The following FLRT3 variants were observed in gnomAD, a reference collection of about 807,000 sequenced individuals.
The protein encoded by FLRT3 is leucine-rich repeat transmembrane protein FLRT3.
In FLRT3, 17 loss-of-function variants were observed where a neutral mutation model predicts 42.6. That is an observed-to-expected ratio of 0.40 (90% CI 0.27 to 0.60). The LOEUF (loss-of-function observed/expected upper bound fraction) is 0.60, where lower values mean the gene tolerates loss of function less well. Among genes scored for constraint, FLRT3 ranks in the 20% least tolerant of loss-of-function variants. The pLI is 0.44. For missense variants in FLRT3, 635 were observed against 789.2 expected (o/e 0.80, Z 2.34); for synonymous variants, 279 against 286.4 (o/e 0.97, Z 0.26).
At chr20:14,332,700 C>T (rs1601494481) in intron 1 of FLRT3, among the ~76,000 whole-genome samples, 1 of 151,998 alleles carries the variant, frequency 6.6e-6, no homozygotes, top group Admixed American at 6.6e-5. Flanking sequence ...GCATGTAGAA[C>T]TTTTAATCCA....
Position 14,325,821 on chromosome 20 carries a change from G to GCA in FLRT3, c.1685_1686insTG (p.Cys563AlafsTer38). ...TTCTCCTCCCTTTGCTATATGCACA[G>GCA]TTCCTTGAGAAGAGCGATCCATTCC... On this transcript the variant is annotated frameshift_variant, in exon 3 of 3. Coordinates refer to ENST00000341420, the MANE Select transcript of FLRT3 (RefSeq NM_198391.3). LOFTEE classifies it high-confidence loss of function. 1 of 1,613,858 alleles carries GCA rather than the reference G, an allele frequency of 6.2e-7. No individual in the cohort carries two copies. Among genetic ancestry groups the GCA allele is most frequent in the Non-Finnish European group, 8.5e-7 (1 of 1,179,852 alleles).
At chr20:14,331,804 T>C (rs1038378159) in intron 1 of FLRT3, among the ~76,000 whole-genome samples, 2 of 152,090 alleles carry the variant, frequency 1.3e-5, no homozygotes, top group African/African-American at 4.8e-5. Context: ...CTGAGCTGGA[T>C]CTACATATTT....
In FLRT3 at chr20:14,325,816, G is replaced by A; in HGVS notation, c.1691C>T (p.Ala564Val). Residue 564 changes from alanine to valine, a missense_variant, in exon 3 of 3, where the codon GCA becomes GTA. Ala to Val is a moderately conservative substitution (Grantham distance 64, BLOSUM62 0). Coordinates refer to ENST00000341420, the MANE Select transcript of FLRT3 (RefSeq NM_198391.3). Reference sequence around the variant, plus strand: ...CTTTCTTCTCCTCCCTTTGCTATATGCACAGTTCCTTGAGAAGAGCGATCC... The same window carrying A: ...CTTTCTTCTCCTCCCTTTGCTATATACACAGTTCCTTGAGAAGAGCGATCC... ...RNGSLFSRNC[A>V]YSKGRRRKDD... 2 of 1,613,852 alleles carry A rather than the reference G, an allele frequency of 1.2e-6. No individual in the cohort carries two copies. Among genetic ancestry groups the A allele is most frequent in the African/African-American group, 1.3e-5 (1 of 74,998 alleles).
chr20:14,337,259 T>C, intron 1 of FLRT3, 145 bp downstream of exon 1: 1 of 231,278 alleles, frequency 4.3e-6, no homozygotes, highest in Non-Finnish European at 8.3e-6. Context: ...CATTGCTGGC[T>C]TGCACGCACA....
Position 14,326,041 on chromosome 20 carries a change from A to G in FLRT3, c.1466T>C (p.Leu489Pro). The G allele has an allele frequency of 6.2e-7, 1 of 1,613,942 alleles. No homozygotes were observed. The highest frequency in any genetic ancestry group is 8.5e-7 in the Non-Finnish European group (1 of 1,179,888). Residue 489 changes from leucine to proline, a missense_variant, in exon 3 of 3, where the codon CTA (leucine) becomes CCA (proline). By Grantham distance (98) the Leu-to-Pro change is moderately conservative. Coordinates refer to ENST00000341420, the MANE Select transcript of FLRT3 (RefSeq NM_198391.3). The surrounding 1 kb of genome is among the most constrained non-coding windows in gnomAD (Gnocchi z 5.5). ...AATACAAACAGGAGTTTCATCAAAT[A>G]GGTAGAGGTTGCTGGTTTCCATGGG... is the stretch of plus-strand genomic sequence containing the variant. Reference protein sequence around the residue: ...MVPMETSNLYLFDETPVCIET... With the variant: ...MVPMETSNLYPFDETPVCIET...
At chr20:14,329,096 A>G (rs1413621336) in intron 2 of FLRT3, 38 bp downstream of exon 2, 2 of 152,092 alleles carry the variant, frequency 1.3e-5, no homozygotes, top group African/African-American at 2.4e-5. Context: ...ATCCAAGTAT[A>G]AACTTTGTAC....
intron 1 of FLRT3, among the ~76,000 whole-genome samples, 188 bp downstream of exon 1, chr20:14,337,216 C>T (rs1334169475): frequency 6.6e-6 from 1 of 152,186 alleles, no homozygotes; most frequent in Non-Finnish European, 1.5e-5. Context: ...TTCTAAGAAA[C>T]TTCTTACATT....
rs2082713471 is a variant in FLRT3, at chr20:14,325,116, T to G, written c.*441A>C. ...TATCTCATTCAGCCATTCAGCCAGT[T>G]TTTTTTTTTTACATTTTATTAATAC... On this transcript the variant is annotated 3_prime_UTR_variant, in exon 3 of 3. Transcript: ENST00000341420. 6.9e-6 allele frequency: 1 copy of G among 145,514 alleles called. No individual in the cohort carries two copies. The highest frequency in any genetic ancestry group is 6.9e-5 in the Admixed American group (1 of 14,454). The allele number at this position is 145,514 out of a possible 1,614,324, so 9.0% of individuals were successfully genotyped here.
rs1376667548 is a variant in FLRT3 at position 14,325,784 on chromosome 20, A to T, written c.1723T>A (p.Tyr575Asn). Residue 575 changes from tyrosine (Y) to asparagine (N), a missense_variant, in exon 3 of 3, where the codon TAT becomes AAT. Coordinates refer to ENST00000341420, the MANE Select transcript of FLRT3 (RefSeq NM_198391.3). Reference sequence around the variant, plus strand: ...TCCTTCTTAGTGCCAGCTTCTGCATAGTCATCCTTTCTTCTCCTCCCTTTG... The same window carrying T: ...TCCTTCTTAGTGCCAGCTTCTGCATTGTCATCCTTTCTTCTCCTCCCTTTG... The part of the protein sequence containing the change: ...YSKGRRRKDD[Y>N]AEAGTKKDNS... 2.5e-6 allele frequency: 4 copies of T among 1,613,916 alleles called. No homozygotes were observed. The highest frequency in any genetic ancestry group is 3.4e-6 in the Non-Finnish European group (4 of 1,179,874).
chr20:14,329,919 A>G (rs2082802762), intron 1 of FLRT3, among the ~76,000 whole-genome samples: 1 of 152,014 alleles, frequency 6.6e-6, no homozygotes, highest in Non-Finnish European at 1.5e-5. Context: ...TCTAAGGACT[A>G]CTTAGTGATC....
Position 14,323,450 on chromosome 20 carries a change from G to C in FLRT3, c.*2107C>G. On this transcript the variant is annotated 3_prime_UTR_variant, in exon 3 of 3. Transcript: ENST00000341420. The stretch of plus-strand genomic sequence containing the variant: ...CCACCACATGTTCAGCAATCTGGAA[G>C]CTCTCCAAATCTTGACCTTTTGTTT... The C allele has an allele frequency of 6.6e-6, 1 of 152,184 alleles. No individual in the cohort carries two copies. Among genetic ancestry groups the C allele is most frequent in the East Asian group, 1.9e-4 (1 of 5,198 alleles). The allele number at this position is 152,184 out of a possible 1,614,324, so 9.4% of individuals were successfully genotyped here.
At position 14,325,877 on chromosome 20, in the gene FLRT3, G is replaced by A; in HGVS notation, c.1630C>T (p.Leu544Phe). ...GGAVALVTIA[L>F]LALVCWYVHR... ...ACATACCAACACACTAAAGCAAGAA[G>A]GGCAATGGTAACCAGGGCCACAGCC... The change falls in exon 3 of 3, where the codon CTT becomes TTT. Residue 544 changes from leucine (L) to phenylalanine (F), a missense_variant. By Grantham distance (22) the Leu-to-Phe change is conservative. Transcript: ENST00000341420. The A allele has an allele frequency of 6.2e-7, 1 of 1,613,960 alleles. No homozygotes were observed. Among genetic ancestry groups the A allele is most frequent in the Non-Finnish European group, 8.5e-7 (1 of 1,179,888 alleles).
At chr20:14,327,584 C>G in intron 2 of FLRT3, 26 bp from the exon 3 acceptor site, 1 of 1,456,012 alleles carries the variant, frequency 6.9e-7, no homozygotes, top group Non-Finnish European at 9.2e-7. Context: ...TAAAAAAAGA[C>G]AGAAAACAAT....
intron 1 of FLRT3, among the ~76,000 whole-genome samples, chr20:14,332,101 G>T (rs1209722935): frequency 6.6e-6 from 1 of 152,042 alleles, no homozygotes; most frequent in African/African-American, 2.4e-5. Flanking sequence ...ACTTAAAACT[G>T]TAGTAAAAAG....
chr20:14,328,139 A>G (rs2082769039), intron 2 of FLRT3, among the ~76,000 whole-genome samples: 1 of 152,110 alleles, frequency 6.6e-6, no homozygotes, highest in African/African-American at 2.4e-5. Context: ...TGCTTTGATT[A>G]TTAATGTCAT....
At position 14,325,689 on chromosome 20, in the gene FLRT3, C is replaced by T; in HGVS notation, c.1818G>A (p.Lys606=). The T allele has an allele frequency of 6.2e-7, 1 of 1,613,888 alleles. No individual in the cohort carries two copies. ...ATATGGTGTGTATTACAAACTCCTCCTTCGAGATGGGTTCATTGCTTATTG... is the reference window on the plus strand; with the variant it reads ...ATATGGTGTGTATTACAAACTCCTCTTTCGAGATGGGTTCATTGCTTATTG... ...MLPISNEPIS[K]EEFVIHTIFP... is the part of the protein sequence containing the mutation. The change falls in exon 3 of 3, where the codon AAG becomes AAA. Residue 606 remains lysine, a synonymous_variant. Transcript: ENST00000341420.
intron 1 of FLRT3, among the ~76,000 whole-genome samples, chr20:14,334,519 G>T (rs746230416): frequency 3.3e-5 from 5 of 152,046 alleles, no homozygotes; most frequent in Admixed American, 6.6e-5. Context: ...TTGCCCACTG[G>T]GGGGTGGTAC....
At chr20:14,336,581 A>T (rs942219326) in intron 1 of FLRT3, among the ~76,000 whole-genome samples, 2 of 152,168 alleles carry the variant, frequency 1.3e-5, no homozygotes, top group South Asian at 2.1e-4. Flanking sequence ...TGCAAAACCC[A>T]CTTGATAAGG....
intron 1 of FLRT3, among the ~76,000 whole-genome samples, chr20:14,331,501 T>C (rs1402026123): frequency 6.6e-6 from 1 of 152,100 alleles, no homozygotes; most frequent in Non-Finnish European, 1.5e-5. Context: ...TGTCATTCTC[T>C]TCTCCCCACA....
Sources: allele counts gnomAD v4.1 joint callset (sites outside exome capture counted in the v4.1 genomes callset), GRCh38; gene constraint gnomAD v4.1.1; non-coding constraint Gnocchi (gnomAD v3.1); transcripts MANE v1.5; gene names NCBI Gene and HGNC (gene_info 2026-07-23, HGNC 2026-07-21).